CDH9: variants seen among roughly 807,000 people sequenced by gnomAD.
CDH9 encodes the protein cadherin-9.
A neutral mutation model predicts 70.9 loss-of-function variants in CDH9; 28 were observed. The observed-to-expected ratio is 0.40, with a 90% CI of 0.29 to 0.54. The LOEUF (loss-of-function observed/expected upper bound fraction) is 0.54. Ranked by LOEUF, CDH9 falls within the 20% of genes least tolerant of loss-of-function variation. The probability of loss-of-function intolerance (pLI) is 0.59; values close to 1 mark genes in which losing one functional copy is unlikely to be tolerated. For missense variants in CDH9, 874 were observed against 984.4 expected (o/e 0.89, Z 1.50); for synonymous variants, 409 against 343.1 (o/e 1.19, Z -2.12).
chr5:26,994,889 T>A (rs1271711397), intron 1 of CDH9, among the ~76,000 whole-genome samples: 1 of 152,180 alleles, frequency 6.6e-6, no homozygotes, highest in Non-Finnish European at 1.5e-5. Context: ...CTTATCTCGC[T>A]CATCCATAGC....
At chr5:26,921,783 C>T (rs775762511) in intron 2 of CDH9, among the ~76,000 whole-genome samples, 1 of 151,798 alleles carries the variant, frequency 6.6e-6, no homozygotes, top group African/African-American at 2.4e-5. Context: ...GTCTAAGAAC[C>T]GAGGACTCCA....
At chr5:26,958,441 G>T (rs886995427) in intron 2 of CDH9, among the ~76,000 whole-genome samples, 4 of 152,120 alleles carry the variant, frequency 2.6e-5, no homozygotes, top group African/African-American at 4.8e-5. Flanking sequence ...ATCTCTCTGC[G>T]TGCCTCCTGA....
chr5:26,981,108 T>G (rs1358504530), intron 2 of CDH9, among the ~76,000 whole-genome samples: 2 of 152,114 alleles, frequency 1.3e-5, no homozygotes, highest in East Asian at 1.9e-4. Context: ...TTGGCTAATA[T>G]GTACCCAGAA....
intron 3 of CDH9, among the ~76,000 whole-genome samples, chr5:26,908,053 A>G (rs1259470060): frequency 6.6e-6 from 1 of 152,192 alleles, no homozygotes; most frequent in Non-Finnish European, 1.5e-5. Flanking sequence ...TTGAATGTTA[A>G]CACATCAATT....
At chr5:26,893,707 A>G (rs200072741) in intron 7 of CDH9, among the ~76,000 whole-genome samples, 1 of 88,342 alleles carries the variant, frequency 1.1e-5, no homozygotes, top group Non-Finnish European at 2.5e-5. Context: ...TTTTATTTTT[A>G]TTTTTGGAAG....
rs112019240 is a variant in CDH9, at chr5:26,936,113, G to A, written c.229-20189C>T. 4.6e-5 allele frequency among the ~76,000 whole-genome samples: 7 copies of A among 151,458 alleles called. No individual in the cohort carries two copies. In the East Asian group the frequency reaches 1.4e-3, roughly 30 times the overall value. On this transcript the variant is annotated intron_variant, in intron 2 of 11. Coordinates refer to ENST00000231021, the MANE Select transcript of CDH9 (RefSeq NM_016279.4). The stretch of plus-strand genomic sequence containing the variant: ...GGATTTGGTGGGGAAGAGTGGGGGG[G>A]TGAGAGAAAAAAGTGTACATATTGG...
intron 1 of CDH9, among the ~76,000 whole-genome samples, chr5:27,034,599 A>C (rs942438919): frequency 3.3e-5 from 5 of 151,640 alleles, no homozygotes; most frequent in Non-Finnish European, 5.9e-5. Flanking sequence ...ACACACACGC[A>C]CACAGAGCAT....
At position 26,952,075 on chromosome 5, in the gene CDH9, G is replaced by A. The variant is rs1402076245; in HGVS notation, c.228+36031C>T. On this transcript the variant is annotated intron_variant, in intron 2 of 11. Transcript: ENST00000231021. ...GGCTCACTGCAACCTCCGCCTCTCG[G>A]GTTCAAGCCTCCCTAGTGGCTGAGA... 2.0e-5 allele frequency among the ~76,000 whole-genome samples: 3 copies of A among 150,182 alleles called. No homozygotes were observed. In the East Asian group the frequency reaches 6.2e-4, roughly 31 times the overall value.
chr5:26,975,325 T>C (rs1366626333), intron 2 of CDH9, among the ~76,000 whole-genome samples: 1 of 152,174 alleles, frequency 6.6e-6, no homozygotes, highest in Non-Finnish European at 1.5e-5. Flanking sequence ...TGAACTCTCA[T>C]GTTTCTTAAC....
At chr5:26,996,568 CA>C (rs1365372845) in intron 1 of CDH9, among the ~76,000 whole-genome samples, 1 of 151,694 alleles carries the variant, frequency 6.6e-6, no homozygotes, top group African/African-American at 2.4e-5. Flanking sequence ...TAAGTGACAC[CA>C]AAATGATGTA....
intron 2 of CDH9, among the ~76,000 whole-genome samples, chr5:26,984,690 T>C (rs1378669814): frequency 6.6e-6 from 1 of 152,132 alleles, no homozygotes; most frequent in African/African-American, 2.4e-5. Context: ...CAATTCTACC[T>C]AAATAATTCA....
chr5:26,945,704 T>A (rs10052859), intron 2 of CDH9, among the ~76,000 whole-genome samples: 121,215 of 152,082 alleles, frequency 0.8, 51,094 homozygotes, highest in East Asian at 0.99. Context: ...TAATTTTTTA[T>A]AAGAAATACT....
At chr5:26,910,233 A>ATCTG (rs1304419892) in intron 3 of CDH9, among the ~76,000 whole-genome samples, 1 of 134,622 alleles carries the variant, frequency 7.4e-6, no homozygotes, top group Non-Finnish European at 1.6e-5. Flanking sequence ...CCATCTATCT[A>ATCTG]TCTATCTATC....
intron 2 of CDH9, among the ~76,000 whole-genome samples, chr5:26,987,090 T>C (rs1442543608): frequency 1.8e-5 from 2 of 108,718 alleles, no homozygotes; most frequent in African/African-American, 7.5e-5. Flanking sequence ...GCACTTGTAT[T>C]CTTTTTTTTT....
intron 2 of CDH9, among the ~76,000 whole-genome samples, chr5:26,957,925 G>A (rs898378937): frequency 2.6e-5 from 4 of 152,192 alleles, no homozygotes; most frequent in Admixed American, 2.6e-4. Flanking sequence ...TAAAATGACA[G>A]ATGAAGCAAA....
intron 1 of CDH9, among the ~76,000 whole-genome samples, chr5:26,988,869 C>T (rs746144225): frequency 6.6e-6 from 1 of 152,038 alleles, no homozygotes; most frequent in Non-Finnish European, 1.5e-5. Context: ...CAATCCTCCT[C>T]ATCCATCAGA....
chr5:26,966,309 T>C (rs34662082), intron 2 of CDH9, among the ~76,000 whole-genome samples: 10,050 of 152,216 alleles, frequency 0.066, 402 homozygotes, highest in Non-Finnish European at 0.091. Flanking sequence ...TCCTGACCCC[T>C]GCAGTGCCTC....
intron 2 of CDH9, among the ~76,000 whole-genome samples, chr5:26,945,443 A>G (rs559003062): frequency 1.3e-5 from 2 of 152,254 alleles, no homozygotes; most frequent in African/African-American, 4.8e-5. Context: ...AAGTTTCTTT[A>G]TTGATATACA....
In CDH9 at chr5:26,989,943, G is replaced by T. The variant is rs534572387; in HGVS notation, c.-49-1561C>A. Reference sequence around the variant, plus strand: ...CAAAGTAATAGTCGTGTACATTGCAGTGACTTATTTTATTTTGACGATAGC... The same window carrying T: ...CAAAGTAATAGTCGTGTACATTGCATTGACTTATTTTATTTTGACGATAGC... On this transcript the variant is annotated intron_variant, in intron 1 of 11. Transcript: ENST00000231021. Among the ~76,000 whole-genome samples the T allele has an allele frequency of 1.1e-4, 16 of 152,200 alleles. No individual in the cohort carries two copies. The South Asian group carries it at 3.1e-3, about 30-fold the overall frequency.
Sources: gnomAD v4.1 joint callset for allele counts (sites outside exome capture counted in the v4.1 genomes callset) on GRCh38, gnomAD v4.1.1 for gene constraint, MANE v1.5 for transcripts, NCBI Gene and HGNC (gene_info 2026-07-23, HGNC 2026-07-21) for gene names.